Variants in ELAPOR1 observed in about 807,000 individuals in gnomAD.
ELAPOR1 encodes endosome-lysosome associated apoptosis and autophagy regulator 1, also known as endosome/lysosome-associated apoptosis and autophagy regulator 1.
In ELAPOR1, 77 loss-of-function variants were observed where a neutral mutation model predicts 119.7. That is an observed-to-expected ratio of 0.64 (90% CI 0.54 to 0.78). The LOEUF (loss-of-function observed/expected upper bound fraction) is 0.78. Ranked by LOEUF, ELAPOR1 falls within the 30% of genes least tolerant of loss-of-function variation. ELAPOR1 has a pLI of 0.00. For missense variants in ELAPOR1, 1,115 were observed against 1,270.4 expected (o/e 0.88, Z 1.86); for synonymous variants, 481 against 487.2 (o/e 0.99, Z 0.17).
chr1:109,176,703 T>A (rs542398557), intron 7 of ELAPOR1, among the ~76,000 whole-genome samples: 97 of 146,668 alleles, frequency 6.6e-4, no homozygotes, highest in African/African-American at 2.0e-3. Context: ...GGTCAGCAGA[T>A]AAACAAATGA....
At chr1:109,183,536 CTTCT>C (rs1373752753) in intron 7 of ELAPOR1, among the ~76,000 whole-genome samples, 4 of 151,564 alleles carry the variant, frequency 2.6e-5, no homozygotes, top group Admixed American at 6.6e-5. Flanking sequence ...TCACGTTTTT[CTTCT>C]TTCTTTCTTT....
intron 1 of ELAPOR1, among the ~76,000 whole-genome samples, chr1:109,116,485 C>G (rs914925867): frequency 6.6e-6 from 1 of 152,174 alleles, no homozygotes; most frequent in African/African-American, 2.4e-5. Context: ...TTGCCACAGG[C>G]GTCAGCAAGT....
At chr1:109,195,365 G>A (rs1200700954) in intron 15 of ELAPOR1, among the ~76,000 whole-genome samples, 4 of 151,276 alleles carry the variant, frequency 2.6e-5, no homozygotes, top group African/African-American at 9.7e-5. Flanking sequence ...GTGGTGGCGG[G>A]CACCTGTAGT....
In ELAPOR1 at chr1:109,171,870, A is replaced by C; in HGVS notation, c.472A>C (p.Lys158Gln). 6.2e-7 allele frequency: 1 copy of C among 1,614,200 alleles called. No individual in the cohort carries two copies. Among genetic ancestry groups the C allele is most frequent in the Non-Finnish European group, 8.5e-7 (1 of 1,180,028 alleles). Residue 158 changes from lysine to glutamine, a missense_variant, in exon 4 of 22, where the codon AAG becomes CAG. Lys to Gln is a moderately conservative substitution (Grantham distance 53, BLOSUM62 1). Coordinates refer to ENST00000369939, the MANE Select transcript of ELAPOR1 (RefSeq NM_020775.5). ...AESTGNCTSS[K>Q]WVPRGDYIAS... Reference sequence around the variant, plus strand: ...CTGGTTCCTGTTCCTTCACAGGTCCAAGTGGGTTCCCCGGGGCGACTACAT... The same window carrying C: ...CTGGTTCCTGTTCCTTCACAGGTCCCAGTGGGTTCCCCGGGGCGACTACAT...
At chr1:109,191,697 C>A in intron 12 of ELAPOR1, 29 bp from the exon 13 acceptor site, 1 of 1,613,098 alleles carries the variant, frequency 6.2e-7, no homozygotes, top group East Asian at 2.2e-5. Flanking sequence ...GGCCATCGCA[C>A]CCGCTTCACT....
At chr1:109,196,094 T>G (rs1332149113) in intron 15 of ELAPOR1, among the ~76,000 whole-genome samples, 2 of 152,086 alleles carry the variant, frequency 1.3e-5, no homozygotes. Context: ...GGGCGGAGAT[T>G]GCAGTGAGCC....
intron 1 of ELAPOR1, among the ~76,000 whole-genome samples, chr1:109,148,282 G>A (rs1295034306): frequency 3.2e-5 from 1 of 31,042 alleles, no homozygotes; most frequent in African/African-American, 5.7e-5. Context: ...GGGATTACAG[G>A]CACCCACCAC....
At position 109,171,551 on chromosome 1, in the gene ELAPOR1, C is replaced by CA. The variant is rs367968095; in HGVS notation, c.468-304dup. On this transcript the variant is annotated intron_variant, in intron 3 of 21. Transcript: ENST00000369939. ...TGGGAGACAGAGCGAGACTCTGCCT[C>CA]AAAAAAAAAAAGATGTTAGCCCTCC... Among the ~76,000 whole-genome samples the CA allele has an allele frequency of 3.5e-3, 509 of 144,424 alleles. 2 individuals carry two copies. The highest frequency in any genetic ancestry group is 5.3e-3 in the Non-Finnish European group (344 of 65,408). The allele number at this position is 144,424 out of a possible 152,430, so 94.7% of individuals were successfully genotyped here.
At chr1:109,202,775 C>T in intron 21 of ELAPOR1, 169 bp from the exon 22 acceptor site, 1 of 733,678 alleles carries the variant, frequency 1.4e-6, no homozygotes, top group Non-Finnish European at 2.4e-6. Context: ...TCCAACTGAC[C>T]CTGAAGGGAG....
chr1:109,200,330 C>A, intron 20 of ELAPOR1, 93 bp downstream of exon 20: 2 of 1,432,290 alleles, frequency 1.4e-6, no homozygotes, highest in Non-Finnish European at 1.9e-6. Flanking sequence ...GGGTTTTTCT[C>A]TGGAGTTGGC....
chr1:109,119,407 C>T (rs1648246293), intron 1 of ELAPOR1, among the ~76,000 whole-genome samples: 1 of 151,514 alleles, frequency 6.6e-6, no homozygotes, highest in African/African-American at 2.4e-5. Flanking sequence ...TGGTCTCAAA[C>T]TCGTGAGCTC....
In ELAPOR1 at chr1:109,192,723, G is replaced by T. The variant is rs1215201356; in HGVS notation, c.1796G>T (p.Gly599Val). ...RPCALEASDV[G>V]SSCTSCPAGY... is the part of the protein sequence containing the mutation. ...TGTGCCCTAGAAGCCTCTGATGTGG[G>T]CTCCTCCTGCACCTCTTGTCCTGCT... Residue 599 changes from glycine to valine, a missense_variant, in exon 14 of 22, where the codon GGC becomes GTC. Gly to Val is a moderately radical substitution (Grantham distance 109, BLOSUM62 -3). Transcript: ENST00000369939. 2.5e-6 allele frequency: 4 copies of T among 1,614,018 alleles called. No individual in the cohort carries two copies. In the Admixed American group the frequency reaches 6.7e-5, roughly 27 times the overall value.
chr1:109,170,021 G>A (rs1651831893), intron 3 of ELAPOR1, among the ~76,000 whole-genome samples: 2 of 152,370 alleles, frequency 1.3e-5, no homozygotes, highest in East Asian at 1.9e-4. Context: ...AAAGCTGGAT[G>A]TGTGAATATG....
rs61748640 is a variant in ELAPOR1, at chr1:109,191,729, G to A, written c.1549G>A (p.Val517Met). The A allele has an allele frequency of 9.9e-4, 1,596 of 1,614,200 alleles. 15 individuals are homozygous for A. The African/African-American group carries it at 0.02, about 20-fold the overall frequency. Reference sequence around the variant, plus strand: ...CACTTGTCTGTCCTGGGTTCAGGGTGTGAATTCTAGGACCAACACTCCTGT... The same window carrying A: ...CACTTGTCTGTCCTGGGTTCAGGGTATGAATTCTAGGACCAACACTCCTGT... ...VNCELYFMVG[V>M]NSRTNTPVET... Residue 517 changes from valine (V) to methionine (M), a missense_variant, in exon 13 of 22, where the codon GTG becomes ATG. By Grantham distance (21) the Val-to-Met change is conservative. Coordinates refer to ENST00000369939, the MANE Select transcript of ELAPOR1 (RefSeq NM_020775.5).
At chr1:109,182,885 AAT>A (rs1414736081) in intron 7 of ELAPOR1, among the ~76,000 whole-genome samples, 3 of 151,320 alleles carry the variant, frequency 2.0e-5, no homozygotes, top group South Asian at 4.2e-4. Context: ...AAAAAAAAAA[AAT>A]CTCATTCCAC....
chr1:109,140,369 G>C (rs1649753792), intron 1 of ELAPOR1, among the ~76,000 whole-genome samples: 1 of 152,168 alleles, frequency 6.6e-6, no homozygotes, highest in Admixed American at 6.5e-5. Flanking sequence ...AATAAAGAGA[G>C]GAAAGACTGA....
Position 109,174,479 on chromosome 1 carries a change from T to TA in ELAPOR1, c.952+643dup, listed in dbSNP as rs1490033291. 3.7e-5 allele frequency among the ~76,000 whole-genome samples: 5 copies of TA among 136,332 alleles called. No individual in the cohort carries two copies. In the Admixed American group the frequency reaches 3.8e-4, roughly 10 times the overall value. 89.4% of individuals were successfully genotyped at this position (136,332 alleles called of 152,430 possible). A position where few individuals can be genotyped will look rare whatever the true frequency, so the allele number is the denominator to read the frequency against. On this transcript the variant is annotated intron_variant, in intron 7 of 21. Coordinates refer to ENST00000369939, the MANE Select transcript of ELAPOR1 (RefSeq NM_020775.5). ...CAATAAATATTGAGCCTCTCCTATC[T>TA]ACCAGGCCCTATTCTATGTGCTTGG...
chr1:109,187,631 C>T, intron 8 of ELAPOR1: 1 of 1,002,174 alleles, frequency 1.0e-6, no homozygotes, highest in Non-Finnish European at 1.2e-6. Context: ...CTTCTGTACC[C>T]AATGCAGGGG....
intron 7 of ELAPOR1, among the ~76,000 whole-genome samples, chr1:109,175,618 G>C (rs1158627760): frequency 2.0e-5 from 3 of 150,534 alleles, no homozygotes; most frequent in Non-Finnish European, 3.0e-5. Context: ...CTTGAGGTCA[G>C]GAGTTCAAGA....
Sources: gnomAD v4.1 joint callset for allele counts (sites outside exome capture counted in the v4.1 genomes callset) on GRCh38, gnomAD v4.1.1 for gene constraint, MANE v1.5 for transcripts, NCBI Gene and HGNC (gene_info 2026-07-23, HGNC 2026-07-21) for gene names.